DYRK4: variants seen among roughly 807,000 people sequenced by gnomAD.
The protein encoded by DYRK4 is dual specificity tyrosine phosphorylation regulated kinase 4, also known as dual specificity tyrosine-phosphorylation-regulated kinase 4.
A neutral mutation model predicts 68.3 loss-of-function variants in DYRK4; 64 were observed. That is an observed-to-expected ratio of 0.94 (90% CI 0.77 to 1.15). The LOEUF is 1.15. Among genes scored for constraint, DYRK4 ranks in the 50% most tolerant of loss-of-function variants. DYRK4 has a pLI of 0.00. For synonymous variants in DYRK4, 274 were observed against 289.9 expected, an observed-to-expected ratio of 0.95 and a Z score of 0.56; for missense variants, 740 against 764.7, an observed-to-expected ratio of 0.97 and a Z score of 0.38.
intron 11 of DYRK4, 45 bp from the exon 12 acceptor site, chr12:4,607,282 C>T (rs780410372): frequency 6.2e-7 from 1 of 1,612,316 alleles, no homozygotes; most frequent in African/African-American, 1.3e-5. Flanking sequence ...GCCTTTGAAT[C>T]TGTGCTCCCA....
At chr12:4,571,184 C>T (rs1473194389) in intron 2 of DYRK4, among the ~76,000 whole-genome samples, 1 of 152,188 alleles carries the variant, frequency 6.6e-6, no homozygotes, top group Non-Finnish European at 1.5e-5. Flanking sequence ...GGGAGGGAAG[C>T]TGTTAATTTA....
At chr12:4,600,250 C>T (rs1162421612) in intron 10 of DYRK4, among the ~76,000 whole-genome samples, 1 of 150,886 alleles carries the variant, frequency 6.6e-6, no homozygotes, top group African/African-American at 2.5e-5. Context: ...ATTTTCACAG[C>T]GTTTACTGAA....
chr12:4,611,515 G>A (rs2137412723), intron 13 of DYRK4, among the ~76,000 whole-genome samples: 1 of 152,282 alleles, frequency 6.6e-6, no homozygotes, highest in African/African-American at 2.4e-5. Context: ...AAATCTTTGA[G>A]ACTAAAAGTT....
rs762336784 is a variant in DYRK4 at position 4,591,239 on chromosome 12, A to G, written c.404A>G (p.Gln135Arg). The change falls in exon 5 of 15, where the codon CAG becomes CGG. Residue 135 changes from glutamine to arginine, a missense_variant. Gln to Arg is a conservative substitution (Grantham distance 43, BLOSUM62 1). Coordinates refer to ENST00000543431, the MANE Select transcript of DYRK4 (RefSeq NM_001394779.1). This position sits in a 1 kb window ranked among gnomAD's most constrained non-coding sequence, Gnocchi z 4.1. ...CCTTTCCACCCTAGCATTAAAACCC[A>G]GGATCCCAAGGCAGAGGAGAAGTCA... Reference protein sequence around the residue: ...EIPFHPSIKTQDPKAEEKSPK... With the variant: ...EIPFHPSIKTRDPKAEEKSPK... The G allele has an allele frequency of 3.7e-6, 6 of 1,614,072 alleles. No individual in the cohort carries two copies. In the African/African-American group the frequency reaches 8.0e-5, roughly 22 times the overall value.
At chr12:4,602,804 T>C in intron 10 of DYRK4, 5 of 1,486,324 alleles carry the variant, frequency 3.4e-6, no homozygotes, top group Non-Finnish European at 4.7e-6. Context: ...ACAGCTTCCA[T>C]TAATAAGTGA....
Position 4,591,368 on chromosome 12 carries a change from C to A in DYRK4, c.463+70C>A, listed in dbSNP as rs1378466475. ...GGTCGGGGTGTTAAGAGCTAAGCTG[C>A]GCTGGAGTGAGCTAAGCTGCCAGGT... On this transcript the variant is annotated intron_variant, in intron 5 of 14. Coordinates refer to ENST00000543431, the MANE Select transcript of DYRK4 (RefSeq NM_001394779.1). The surrounding 1 kb of genome is among the most constrained non-coding windows in gnomAD (Gnocchi z 4.1). 1 of 1,558,478 alleles carries A rather than the reference C, an allele frequency of 6.4e-7. No homozygotes were observed. The highest frequency in any genetic ancestry group is 8.7e-7 in the Non-Finnish European group (1 of 1,153,572).
rs776103923 is a variant in DYRK4, at chr12:4,605,087, G to A, written c.1299+1G>A. The stretch of plus-strand genomic sequence containing the variant: ...GGAGCAGCTGGCCTGCATCATGGAG[G>A]TACGCGGAGGGCTGGCGGTCGGCTC... On this transcript the variant is annotated splice_donor_variant, in intron 11 of 14. Transcript: ENST00000543431. LOFTEE classifies it high-confidence loss of function. The A allele has an allele frequency of 3.7e-6, 6 of 1,610,354 alleles. No homozygotes were observed. The South Asian group carries it at 5.5e-5, about 15-fold the overall frequency.
chr12:4,610,081 C>T (rs1424504443), intron 12 of DYRK4, 74 bp from the exon 13 acceptor site: 1 of 1,423,398 alleles, frequency 7.0e-7, no homozygotes, highest in Non-Finnish European at 9.4e-7. Context: ...ACAGAGGCCA[C>T]TCTAAGCAGC....
intron 2 of DYRK4, among the ~76,000 whole-genome samples, chr12:4,574,763 G>A (rs1944769479): frequency 6.6e-6 from 1 of 152,144 alleles, no homozygotes; most frequent in African/African-American, 2.4e-5. Context: ...TGTCACCCAG[G>A]TTGGAGCGCA....
intron 6 of DYRK4, among the ~76,000 whole-genome samples, chr12:4,593,564 T>A: frequency 6.6e-6 from 1 of 152,208 alleles, no homozygotes; most frequent in East Asian, 1.9e-4. Flanking sequence ...TTATAGTAGA[T>A]GTCACTTCCC....
chr12:4,606,984 G>A (rs1945159643), intron 11 of DYRK4, among the ~76,000 whole-genome samples: 1 of 152,184 alleles, frequency 6.6e-6, no homozygotes, highest in African/African-American at 2.4e-5. Flanking sequence ...TCCATGGTGG[G>A]ATATATCATT....
Position 4,612,532 on chromosome 12 carries a change from T to TTGG in DYRK4, c.1491-10_1491-8dup, listed in dbSNP as rs759047189. Reference sequence around the variant, plus strand: ...AAACAATAACCCATGTGGGGCTTTGTTGGGGTGCAGATGGGAACCTTCTCT... The same window carrying TTGG: ...AAACAATAACCCATGTGGGGCTTTGTTGGTGGGGTGCAGATGGGAACCTTCTCT... On this transcript the variant is annotated splice_polypyrimidine_tract_variant and intron_variant, in intron 13 of 14. Transcript: ENST00000543431. The TTGG allele has an allele frequency of 6.8e-6, 11 of 1,611,304 alleles. No individual in the cohort carries two copies. The South Asian group carries it at 1.2e-4, about 18-fold the overall frequency.
Position 4,612,608 on chromosome 12 carries a change from G to A in DYRK4, c.1556G>A (p.Arg519Gln), listed in dbSNP as rs751885774. The change falls in exon 14 of 15, where the codon CGG becomes CAG. Residue 519 changes from arginine to glutamine, a missense_variant. Around this residue, in one of 3 missense-constraint regions of DYRK4, gnomAD observed 614 missense variants for 603.7 expected, o/e 1.02. Transcript: ENST00000543431. ...AAGCATGCTTGGATTCATCAGTCTC[G>A]GAACCTCAAGCCACAGCCCAGGCCC... ...ALKHAWIHQS[R>Q]NLKPQPRPQT... 2.3e-5 allele frequency: 37 copies of A among 1,614,028 alleles called. No individual in the cohort carries two copies. The African/African-American group carries it at 4.3e-4, about 19-fold the overall frequency.
chr12:4,596,747 C>T lies in DYRK4; in HGVS notation c.905+18C>T, dbSNP rs767395194. 1.2e-6 allele frequency: 2 copies of T among 1,612,056 alleles called. No homozygotes were observed. The highest frequency in any genetic ancestry group is 1.7e-6 in the Non-Finnish European group (2 of 1,179,684). The stretch of plus-strand genomic sequence containing the variant: ...CTCCTGGGGTCAGCTGCCTTTTCTT[C>T]TTAACTCATTTTCTCTGGAAAAGTT... On this transcript the variant is annotated intron_variant, in intron 8 of 14. Coordinates refer to ENST00000543431, the MANE Select transcript of DYRK4 (RefSeq NM_001394779.1).
intron 3 of DYRK4, 40 bp from the exon 4 acceptor site, chr12:4,590,290 C>T: frequency 6.6e-7 from 1 of 1,513,598 alleles, no homozygotes; most frequent in Non-Finnish European, 8.8e-7. Context: ...CGTTTTCTTG[C>T]CTAAGGCTTT....
intron 11 of DYRK4, among the ~76,000 whole-genome samples, chr12:4,606,676 G>A (rs1945155704): frequency 6.6e-6 from 1 of 152,122 alleles, no homozygotes; most frequent in Non-Finnish European, 1.5e-5. Flanking sequence ...CAAAGAGAAC[G>A]GGGCCTATGT....
chr12:4,598,657 A>C (rs531541494), intron 8 of DYRK4, among the ~76,000 whole-genome samples: 108 of 152,100 alleles, frequency 7.1e-4, no homozygotes, highest in Non-Finnish European at 1.5e-3. Context: ...AGCCCTTATT[A>C]GGCCTGGGCA....
intron 6 of DYRK4, among the ~76,000 whole-genome samples, chr12:4,595,520 C>T (rs748028373): frequency 5.9e-5 from 9 of 152,124 alleles, no homozygotes; most frequent in African/African-American, 9.7e-5. Flanking sequence ...TAGGGAGAGA[C>T]ATGGGTGATT....
Position 4,613,584 on chromosome 12 carries a change from A to AT in DYRK4, c.1737dup (p.Gln580SerfsTer10). 1 of 1,614,170 alleles carries AT rather than the reference A, an allele frequency of 6.2e-7. No homozygotes were observed. The highest frequency in any genetic ancestry group is 8.5e-7 in the Non-Finnish European group (1 of 1,180,004). ...ACGAAGCATGTTCAGCATTCAGGTG[A>AT]TCAGCAGGACTGTCTCCAGCACGGA... On this transcript the variant is annotated frameshift_variant, in exon 15 of 15. Coordinates refer to ENST00000543431, the MANE Select transcript of DYRK4 (RefSeq NM_001394779.1). LOFTEE classifies it low-confidence loss of function (END_TRUNC). This position sits in a 1 kb window ranked among gnomAD's most constrained non-coding sequence, Gnocchi z 4.0.
Sources: gnomAD v4.1 joint callset for allele counts (sites outside exome capture counted in the v4.1 genomes callset) on GRCh38, gnomAD v4.1.1 for gene constraint, gnomAD v4.1.1 regional missense constraint, Gnocchi (gnomAD v3.1) non-coding constraint, MANE v1.5 for transcripts, NCBI Gene and HGNC (gene_info 2026-07-23, HGNC 2026-07-21) for gene names.